Variants in NOBOX observed in about 807,000 individuals in gnomAD.
NOBOX encodes NOBOX oogenesis homeobox.
In NOBOX, 46 loss-of-function variants were observed where a neutral mutation model predicts 60.2. The observed-to-expected ratio is 0.76, with a 90% CI of 0.60 to 0.98. The LOEUF is 0.98. Among genes scored for constraint, NOBOX ranks in the 50% least tolerant of loss-of-function variants. The pLI is 0.00. For missense variants in NOBOX, 880 were observed against 865.5 expected (o/e 1.02, Z -0.21); for synonymous variants, 360 against 346.3 (o/e 1.04, Z -0.44).
chr7:144,406,111 C>T (rs2053983464), intron 1 of NOBOX, among the ~76,000 whole-genome samples: 1 of 152,124 alleles, frequency 6.6e-6, no homozygotes, highest in South Asian at 2.1e-4. Flanking sequence ...TGTTGTATTT[C>T]CTCTCTCTAG....
intron 1 of NOBOX, among the ~76,000 whole-genome samples, chr7:144,408,125 C>T (rs2053997996): frequency 1.3e-5 from 2 of 152,278 alleles, no homozygotes; most frequent in African/African-American, 4.8e-5. Context: ...CACTCCCCTG[C>T]CCTGCCCCAA....
At position 144,400,131 on chromosome 7, in the gene NOBOX, A is replaced by G; in HGVS notation, c.1026T>C (p.Ser342=). Residue 342 remains serine, a synonymous_variant, in exon 5 of 10, where the codon AGT becomes AGC. Coordinates refer to ENST00000467773, the MANE Select transcript of NOBOX (RefSeq NM_001080413.3). The stretch of plus-strand genomic sequence containing the variant: ...CTACCCAGGCTACCGCTGAGCGCTC[A>G]CTCTGCAATTCGAGTGTTTCAATGG... 6.2e-7 allele frequency: 1 copy of G among 1,613,212 alleles called. No homozygotes were observed. The highest frequency in any genetic ancestry group is 8.5e-7 in the Non-Finnish European group (1 of 1,179,814).
chr7:144,401,531 G>C lies in NOBOX; in HGVS notation c.359C>G (p.Ala120Gly). The C allele has an allele frequency of 6.6e-7, 1 of 1,518,362 alleles. No homozygotes were observed. 94.1% of individuals were successfully genotyped at this position (1,518,362 alleles called of 1,614,324 possible). A position where few individuals can be genotyped will look rare whatever the true frequency, so the allele number is the denominator to read the frequency against. Residue 120 changes from alanine (A) to glycine (G), a missense_variant, in exon 4 of 10, where the codon GCC (alanine) becomes GGC (glycine). By Grantham distance (60) the Ala-to-Gly change is moderately conservative. Coordinates refer to ENST00000467773, the MANE Select transcript of NOBOX (RefSeq NM_001080413.3). The surrounding 1 kb of genome is among the most constrained non-coding windows in gnomAD (Gnocchi z 4.2). The stretch of plus-strand genomic sequence containing the variant: ...ACTCTGAGTGTCCTGAGCATGAGGG[G>C]CTGAGCCCCGGAGCAGTTCCTCCTC...
intron 2 of NOBOX, among the ~76,000 whole-genome samples, chr7:144,402,679 T>C (rs2053950315): frequency 6.6e-6 from 1 of 151,926 alleles, no homozygotes; most frequent in Non-Finnish European, 1.5e-5. Context: ...TTGTAATGAA[T>C]GCTAAGTAAC....
At chr7:144,398,638 G>A (rs1422373236) in intron 8 of NOBOX, 52 bp from the exon 7 acceptor site, 50 of 1,274,188 alleles carry the variant, frequency 3.9e-5, no homozygotes, top group Admixed American at 6.0e-5. Flanking sequence ...GGAGCTCCCC[G>A]TTCCTACCAC....
chr7:144,407,036 C>A (rs868605516), intron 1 of NOBOX, among the ~76,000 whole-genome samples: 49 of 150,346 alleles, frequency 3.3e-4, no homozygotes, highest in African/African-American at 1.0e-3. Context: ...GTTTTCAGAG[C>A]TAGACTTTAC....
chr7:144,399,534 C>T (rs1199412835), intron 6 of NOBOX, 52 bp from the exon 5 acceptor site: 1 of 1,439,204 alleles, frequency 6.9e-7, no homozygotes, highest in Non-Finnish European at 9.6e-7. Context: ...TGGATTTGCA[C>T]AGGTGCCTCA....
At chr7:144,407,691 G>T (rs7795539) in intron 1 of NOBOX, among the ~76,000 whole-genome samples, 65,989 of 152,056 alleles carry the variant, frequency 0.43, 15,102 homozygotes, top group East Asian at 0.82. Flanking sequence ...TCCTTTGAAA[G>T]CCCAGAAAAG....
intron 2 of NOBOX, chr7:144,402,047 G>T: frequency 2.3e-6 from 2 of 863,506 alleles, no homozygotes; most frequent in Non-Finnish European, 1.9e-6. Context: ...AGGCATTATT[G>T]CTTGGAGAAG....
intron 6 of NOBOX, 49 bp from the exon 5 acceptor site, chr7:144,399,531 G>T: frequency 6.9e-7 from 1 of 1,452,214 alleles, no homozygotes; most frequent in Non-Finnish European, 9.5e-7. Context: ...CTCTGGATTT[G>T]CACAGGTGCC....
At chr7:144,402,218 C>T (rs956012856) in intron 2 of NOBOX, among the ~76,000 whole-genome samples, 1 of 148,732 alleles carries the variant, frequency 6.7e-6, no homozygotes, top group Non-Finnish European at 1.5e-5. Context: ...CATCCACTTC[C>T]TCCCCCTCCC....
intron 2 of NOBOX, among the ~76,000 whole-genome samples, chr7:144,403,020 G>A (rs1317081846): frequency 2.0e-5 from 3 of 152,128 alleles, no homozygotes; most frequent in Admixed American, 1.3e-4. Flanking sequence ...CCCTCCCAAC[G>A]TGCTGGGATT....
At chr7:144,399,664 G>T in intron 6 of NOBOX, 93 bp downstream of exon 4, 3 of 1,215,072 alleles carry the variant, frequency 2.5e-6, no homozygotes, top group Non-Finnish European at 3.6e-6. Context: ...CTCATGCCTA[G>T]CCTTCCAATG....
chr7:144,399,339 G>C (rs1188278707), intron 7 of NOBOX, 58 bp downstream of exon 5: 57 of 1,282,778 alleles, frequency 4.4e-5, no homozygotes, highest in Non-Finnish European at 6.0e-5. Flanking sequence ...ATCAAACAAG[G>C]CCTGTCTTCA....
At position 144,401,806 on chromosome 7, in the gene NOBOX, A is replaced by G; in HGVS notation, c.292+63T>C. On this transcript the variant is annotated intron_variant, in intron 3 of 9. Coordinates refer to ENST00000467773, the MANE Select transcript of NOBOX (RefSeq NM_001080413.3). The surrounding 1 kb of genome is among the most constrained non-coding windows in gnomAD (Gnocchi z 4.2). Reference sequence around the variant, plus strand: ...AACCCAACTTCTTTGAAAAATGTAGACAAATTTATGCAATTCTGAGACGGC... The same window carrying G: ...AACCCAACTTCTTTGAAAAATGTAGGCAAATTTATGCAATTCTGAGACGGC... 1 of 1,261,596 alleles carries G rather than the reference A, an allele frequency of 7.9e-7. No homozygotes were observed. The highest frequency in any genetic ancestry group is 1.1e-6 in the Non-Finnish European group (1 of 875,908). 78.2% of individuals were successfully genotyped at this position (1,261,596 alleles called of 1,614,324 possible).
chr7:144,398,253 G>C (rs1304289219), intron 9 of NOBOX, 29 bp downstream of exon 7: 1 of 1,534,138 alleles, frequency 6.5e-7, no homozygotes, highest in Non-Finnish European at 8.7e-7. Context: ...TCAATCTCAA[G>C]GGGACCTTCT....
At chr7:144,409,573 A>G (rs1222859951) in intron 1 of NOBOX, among the ~76,000 whole-genome samples, 1 of 152,238 alleles carries the variant, frequency 6.6e-6, no homozygotes, top group Non-Finnish European at 1.5e-5. Context: ...TTCAGAATTT[A>G]TTGAGTGGCA....
intron 2 of NOBOX, 151 bp downstream of exon 1, chr7:144,403,506 C>T (rs2053958204): frequency 2.0e-6 from 1 of 496,252 alleles, no homozygotes; most frequent in African/African-American, 2.1e-5. Flanking sequence ...TGAGGTCGGC[C>T]TCCTCCCACC....
At chr7:144,409,506 G>A (rs1208177) in intron 1 of NOBOX, among the ~76,000 whole-genome samples, 91,926 of 151,984 alleles carry the variant, frequency 0.6, 28,212 homozygotes, top group South Asian at 0.83. Flanking sequence ...TATAATTTCA[G>A]GCATGTCTCC....
Sources: allele counts gnomAD v4.1 joint callset (sites outside exome capture counted in the v4.1 genomes callset), GRCh38; gene constraint gnomAD v4.1.1; non-coding constraint Gnocchi (gnomAD v3.1); transcripts MANE v1.5; gene names NCBI Gene and HGNC (gene_info 2026-07-23, HGNC 2026-07-21).